The following MICAL3 variants were observed in gnomAD, a reference collection of about 807,000 sequenced individuals.
The protein encoded by MICAL3 is [F-actin]-monooxygenase MICAL3.
In MICAL3, 62 loss-of-function variants were observed where a neutral mutation model predicts 207.4. That is an observed-to-expected ratio of 0.30 (90% CI 0.24 to 0.37). MICAL3 has a LOEUF of 0.37. Among genes scored for constraint, MICAL3 ranks in the 10% least tolerant of loss-of-function variants. The pLI, the probability that MICAL3 is intolerant of heterozygous loss-of-function variation, is 1.00. For missense variants in MICAL3, 2,368 were observed against 2,635.6 expected, an observed-to-expected ratio of 0.90 and a Z score of 2.22; for synonymous variants, 1,077 against 1,069.3, an observed-to-expected ratio of 1.01 and a Z score of -0.14.
chr22:17,834,386 A>G, intron 20 of MICAL3: 3 of 1,260,726 alleles, frequency 2.4e-6, no homozygotes, highest in South Asian at 1.3e-5. Context: ...CGCACTTGCT[A>G]GACACTGTAG....
chr22:17,896,068 C>T (rs1000747646), intron 9 of MICAL3, among the ~76,000 whole-genome samples, 178 bp downstream of exon 9: 37 of 152,298 alleles, frequency 2.4e-4, no homozygotes, highest in Admixed American at 7.8e-4. Context: ...GGAGACTCAT[C>T]TTTAGGTTTC....
intron 1 of MICAL3, among the ~76,000 whole-genome samples, chr22:18,016,591 A>T (rs1392918435): frequency 6.6e-6 from 1 of 152,130 alleles, no homozygotes; most frequent in Admixed American, 6.6e-5. Context: ...GTGTTATATA[A>T]TTGGAATCAT....
chr22:17,824,798 C>T (rs895653199), intron 22 of MICAL3, among the ~76,000 whole-genome samples: 18 of 152,288 alleles, frequency 1.2e-4, no homozygotes, highest in African/African-American at 3.9e-4. Flanking sequence ...GTTAAAACCT[C>T]GGTGTGAGAA....
At chr22:17,853,138 G>A (rs934947689) in intron 19 of MICAL3, among the ~76,000 whole-genome samples, 3 of 151,864 alleles carry the variant, frequency 2.0e-5, no homozygotes, top group African/African-American at 4.8e-5. Context: ...TTGTGCTTTT[G>A]TTACTATAGT....
At position 17,888,456 on chromosome 22, in the gene MICAL3, C is replaced by G. The variant is rs912567337; in HGVS notation, c.1891+578G>C. ...AGTAGAAAGAAGCCAAGAGAATGCA[C>G]AGTGACAGGAGAAAGAAGGGCAACA... On this transcript the variant is annotated intron_variant, in intron 13 of 31. Coordinates refer to ENST00000441493, the MANE Select transcript of MICAL3 (RefSeq NM_015241.3). 4.6e-5 allele frequency among the ~76,000 whole-genome samples: 7 copies of G among 152,246 alleles called. No individual in the cohort carries two copies. In the East Asian group the frequency reaches 1.3e-3, roughly 29 times the overall value.
chr22:17,897,455 G>C (rs927581149), intron 7 of MICAL3, among the ~76,000 whole-genome samples: 17 of 150,400 alleles, frequency 1.1e-4, no homozygotes, highest in Non-Finnish European at 2.2e-4. Context: ...AGAGGGGTTT[G>C]GGGGGTGGAT....
At chr22:17,887,696 G>A (rs938802369) in intron 13 of MICAL3, among the ~76,000 whole-genome samples, 7 of 152,182 alleles carry the variant, frequency 4.6e-5, no homozygotes, top group African/African-American at 1.2e-4. Flanking sequence ...ACCAAAACCC[G>A]CACTTTTGCT....
At chr22:17,940,568 A>G (rs934436919) in intron 1 of MICAL3, among the ~76,000 whole-genome samples, 3 of 152,260 alleles carry the variant, frequency 2.0e-5, no homozygotes, top group African/African-American at 7.2e-5. Flanking sequence ...GTGGCAGAAT[A>G]CAGGGAAGAA....
chr22:17,844,647 C>G (rs1033858311), intron 19 of MICAL3, among the ~76,000 whole-genome samples: 1 of 152,220 alleles, frequency 6.6e-6, no homozygotes, highest in Admixed American at 6.5e-5. Context: ...GGGCAAAACA[C>G]GAATACTTGA....
chr22:17,887,289 G>C (rs1246575435), intron 14 of MICAL3, 34 bp downstream of exon 14: 1 of 1,609,798 alleles, frequency 6.2e-7, no homozygotes, highest in East Asian at 2.2e-5. Context: ...CTTGCCATTA[G>C]CTTTGCAGCC....
chr22:17,876,929 G>A (rs1338569715), intron 16 of MICAL3: 3 of 133,484 alleles, frequency 2.2e-5, no homozygotes, highest in Non-Finnish European at 4.6e-5. Context: ...TGGAGGTTAG[G>A]GAGGTTAGGG....
chr22:17,986,806 T>C (rs1921066665), intron 1 of MICAL3, among the ~76,000 whole-genome samples: 4 of 152,206 alleles, frequency 2.6e-5, no homozygotes, highest in Non-Finnish European at 5.9e-5. Flanking sequence ...GTCTTTTAAG[T>C]AGCCAAAAGA....
At chr22:17,995,407 C>T (rs1369773705) in intron 1 of MICAL3, among the ~76,000 whole-genome samples, 1 of 151,928 alleles carries the variant, frequency 6.6e-6, no homozygotes, top group Admixed American at 6.6e-5. Flanking sequence ...AAACTCCTGG[C>T]CTCAAGCAAT....
At chr22:17,887,628 C>T (rs1467199848) in intron 13 of MICAL3, among the ~76,000 whole-genome samples, 193 bp from the exon 14 acceptor site, 2 of 152,224 alleles carry the variant, frequency 1.3e-5, no homozygotes, top group Non-Finnish European at 2.9e-5. Context: ...GGACATTGAA[C>T]CTTCTTTTGT....
intron 1 of MICAL3, among the ~76,000 whole-genome samples, chr22:17,996,757 A>AC (rs1295738005): frequency 1.3e-5 from 2 of 152,190 alleles, no homozygotes; most frequent in African/African-American, 4.8e-5. Flanking sequence ...AAATTTCTGA[A>AC]CCACATCCCC....
At chr22:17,792,321 C>T (rs916552581) in intron 29 of MICAL3, among the ~76,000 whole-genome samples, 1 of 152,218 alleles carries the variant, frequency 6.6e-6, no homozygotes, top group Non-Finnish European at 1.5e-5. Flanking sequence ...TAGAAAAATG[C>T]TTATGTGTGC....
chr22:17,838,067 A>AT (rs1469993051), intron 20 of MICAL3, among the ~76,000 whole-genome samples: 1 of 152,202 alleles, frequency 6.6e-6, no homozygotes, highest in East Asian at 1.9e-4. Context: ...GGCCTCCCAC[A>AT]GTGCTGGGAT....
intron 1 of MICAL3, among the ~76,000 whole-genome samples, chr22:17,936,185 A>C (rs1187560894): frequency 6.6e-6 from 1 of 152,256 alleles, no homozygotes; most frequent in Non-Finnish European, 1.5e-5. Flanking sequence ...CCAAATGTCC[A>C]TCAATTATAG....
chr22:17,880,547 T>C (rs754934399), intron 16 of MICAL3, among the ~76,000 whole-genome samples: 1 of 152,236 alleles, frequency 6.6e-6, no homozygotes, highest in Non-Finnish European at 1.5e-5. Context: ...TGTCTTTCCA[T>C]AGATCCTGCT....
Sources: allele counts gnomAD v4.1 joint callset (sites outside exome capture counted in the v4.1 genomes callset), GRCh38; gene constraint gnomAD v4.1.1; transcripts MANE v1.5; gene names NCBI Gene and HGNC (gene_info 2026-07-23, HGNC 2026-07-21).